ANKRD44: variants seen among roughly 807,000 people sequenced by gnomAD.
ANKRD44 encodes ankyrin repeat domain 44.
A neutral mutation model predicts 116.0 loss-of-function variants in ANKRD44; 35 were observed. The ratio of observed to expected loss-of-function variants is 0.30; its 90% CI spans 0.23 to 0.40. The LOEUF (loss-of-function observed/expected upper bound fraction) is 0.40. Ranked by LOEUF, ANKRD44 falls within the 10% of genes least tolerant of loss-of-function variation. The probability of loss-of-function intolerance (pLI) is 1.00; values close to 1 mark genes in which losing one functional copy is unlikely to be tolerated. For missense variants in ANKRD44, 1,014 were observed against 1,242.6 expected, an observed-to-expected ratio of 0.82 and a Z score of 2.77; for synonymous variants, 435 against 461.8, an observed-to-expected ratio of 0.94 and a Z score of 0.74.
intron 9 of ANKRD44, 89 bp downstream of exon 9, chr2:197,110,677 G>A (rs2078544103): frequency 9.6e-7 from 1 of 1,044,994 alleles, no homozygotes; most frequent in South Asian, 1.3e-5. Context: ...TCCAAAACAG[G>A]GCATCGACTT....
Position 197,086,742 on chromosome 2 carries a change from C to T in ANKRD44, c.1254G>A (p.Val418=). Reference sequence around the variant, plus strand: ...TGCTCTGCAAGAGTTTTATACATTCCACATTACTAGAAAGACAGGGAAAAC... The same window carrying T: ...TGCTCTGCAAGAGTTTTATACATTCTACATTACTAGAAAGACAGGGAAAAC... ...CLHAAAAGGN[V]ECIKLLQSSG... Residue 418 remains valine (V), a synonymous_variant, in exon 13 of 28, where the codon GTG becomes GTA. Transcript: ENST00000282272. 6.2e-7 allele frequency: 1 copy of T among 1,613,694 alleles called. No individual in the cohort carries two copies. The highest frequency in any genetic ancestry group is 1.1e-5 in the South Asian group (1 of 91,076).
intron 2 of ANKRD44, among the ~76,000 whole-genome samples, chr2:197,149,419 C>G (rs1004434176): frequency 6.6e-6 from 1 of 152,108 alleles, no homozygotes; most frequent in African/African-American, 2.4e-5. Flanking sequence ...TTGTTCAAAC[C>G]AAAGTTTCTA....
chr2:197,201,391 G>A lies in ANKRD44; in HGVS notation c.28-14285C>T, dbSNP rs1459879347. Among the ~76,000 whole-genome samples the A allele has an allele frequency of 1.4e-5, 2 of 147,982 alleles. No individual in the cohort carries two copies. The highest frequency in any genetic ancestry group is 2.7e-5 in the African/African-American group (1 of 37,352). On this transcript the variant is annotated intron_variant, in intron 1 of 27. Coordinates refer to ENST00000282272, the MANE Select transcript of ANKRD44 (RefSeq NM_001195144.2). This position sits in a 1 kb window ranked among gnomAD's most constrained non-coding sequence, Gnocchi z 4.0. ...TTATTTAGCAGAATTTTGAATGCCC[G>A]TTGCCTCCGTGGCACTAGGCAACCA...
intron 1 of ANKRD44, among the ~76,000 whole-genome samples, chr2:197,188,522 C>G (rs1329353712): frequency 6.6e-6 from 1 of 152,166 alleles, no homozygotes; most frequent in African/African-American, 2.4e-5. Context: ...CTCACACTTG[C>G]TAGCCACATG....
intron 4 of ANKRD44, among the ~76,000 whole-genome samples, chr2:197,127,285 T>G (rs983551027): frequency 1.3e-5 from 2 of 152,356 alleles, no homozygotes; most frequent in African/African-American, 4.8e-5. Context: ...TTATTTACAT[T>G]TTTAAATCCT....
chr2:196,973,984 A>G (rs893575960), intron 21 of ANKRD44, among the ~76,000 whole-genome samples: 9 of 152,216 alleles, frequency 5.9e-5, no homozygotes, highest in Non-Finnish European at 1.3e-4. Flanking sequence ...GAAATCATAC[A>G]AAGTATATTC....
rs745982640 is a variant in ANKRD44 at position 197,089,964 on chromosome 2, T to A, written c.1169A>T (p.Lys390Met). Residue 390 changes from lysine to methionine, a missense_variant, in exon 11 of 28, where the codon AAG becomes ATG. Physicochemically the swap from Lys to Met is moderately conservative, Grantham distance 95. Coordinates refer to ENST00000282272, the MANE Select transcript of ANKRD44 (RefSeq NM_001195144.2). ...GATTTACTTACCCGATGATAACAAC[T>A]TTCTGCAGCAGTCAGAGTGAGCATT... is the stretch of plus-strand genomic sequence containing the variant. ...ALNAHSDCCRKLLSSGFEIDT... is the reference protein window; with the variant it reads ...ALNAHSDCCRMLLSSGFEIDT... 2 of 1,613,966 alleles carry A rather than the reference T, an allele frequency of 1.2e-6. No individual in the cohort carries two copies. Among genetic ancestry groups the A allele is most frequent in the Non-Finnish European group, 1.7e-6 (2 of 1,179,900 alleles).
chr2:197,212,236 C>T lies in ANKRD44; in HGVS notation c.28-25130G>A, dbSNP rs1358523266. Among the ~76,000 whole-genome samples, 2 of 152,140 alleles carry T rather than the reference C, an allele frequency of 1.3e-5. No individual in the cohort carries two copies. Among genetic ancestry groups the T allele is most frequent in the Non-Finnish European group, 2.9e-5 (2 of 68,032 alleles). ...GGCAGATAGGGATCCAGTGGGAGCA[C>T]ACTGGCACCAAACACGAAAGTCATC... is the stretch of plus-strand genomic sequence containing the variant. On this transcript the variant is annotated intron_variant, in intron 1 of 27. Coordinates refer to ENST00000282272, the MANE Select transcript of ANKRD44 (RefSeq NM_001195144.2). The surrounding 1 kb of genome is among the most constrained non-coding windows in gnomAD (Gnocchi z 4.8).
chr2:197,181,540 G>A (rs2697235), intron 2 of ANKRD44, among the ~76,000 whole-genome samples: 145,664 of 152,300 alleles, frequency 0.96, 69,691 homozygotes, highest in East Asian at 1. Context: ...TTCAATTTAC[G>A]TGCACTTCAA....
At chr2:197,032,609 C>T (rs988039537) in intron 16 of ANKRD44, among the ~76,000 whole-genome samples, 3 of 152,096 alleles carry the variant, frequency 2.0e-5, no homozygotes, top group African/African-American at 2.4e-5. Context: ...AGGATAGTCT[C>T]GATCTCCTGA....
intron 1 of ANKRD44, among the ~76,000 whole-genome samples, chr2:197,220,686 G>T (rs1012398432): frequency 3.3e-5 from 5 of 152,138 alleles, no homozygotes; most frequent in African/African-American, 1.2e-4. Context: ...AAAGCATTTA[G>T]TTTGCCCACA....
chr2:197,257,808 A>T (rs1248763953), intron 1 of ANKRD44, among the ~76,000 whole-genome samples: 1 of 152,188 alleles, frequency 6.6e-6, no homozygotes, highest in African/African-American at 2.4e-5. Context: ...TCACATTATT[A>T]TACAACCATT....
chr2:197,194,309 C>T (rs1400546356), intron 1 of ANKRD44, among the ~76,000 whole-genome samples: 1 of 152,224 alleles, frequency 6.6e-6, no homozygotes, highest in East Asian at 1.9e-4. Context: ...TGAACTAATA[C>T]ATCATTTCTT....
intron 17 of ANKRD44, among the ~76,000 whole-genome samples, chr2:197,024,872 C>T (rs762932430): frequency 7.2e-5 from 11 of 152,126 alleles, no homozygotes; most frequent in Non-Finnish European, 1.3e-4. Context: ...TGAAATGTAT[C>T]CTTTGAATTT....
At chr2:197,221,176 G>A (rs1256291301) in intron 1 of ANKRD44, among the ~76,000 whole-genome samples, 2 of 151,980 alleles carry the variant, frequency 1.3e-5, no homozygotes, top group Non-Finnish European at 2.9e-5. Context: ...ACTGGAACCT[G>A]GGAGGTGGAG....
At chr2:196,972,179 C>T (rs2075720722) in intron 21 of ANKRD44, among the ~76,000 whole-genome samples, 1 of 152,062 alleles carries the variant, frequency 6.6e-6, no homozygotes, top group African/African-American at 2.4e-5. Context: ...CCAGTGCTAC[C>T]ATGGTCAGAG....
rs1424298011 is a variant in ANKRD44, at chr2:196,989,384, A to G, written c.*207T>C. The G allele has an allele frequency of 1.7e-6, 2 of 1,156,994 alleles. No individual in the cohort carries two copies. The highest frequency in any genetic ancestry group is 3.2e-5 in the African/African-American group (2 of 62,498). 71.7% of individuals were successfully genotyped at this position (1,156,994 alleles called of 1,614,324 possible). The stretch of plus-strand genomic sequence containing the variant: ...AAATACAACAAAGACTGGTACACAG[A>G]AAGATTACATTTAACTCCATAAAAA... On this transcript the variant is annotated 3_prime_UTR_variant, in exon 28 of 28. Coordinates refer to ENST00000282272, the MANE Select transcript of ANKRD44 (RefSeq NM_001195144.2).
chr2:197,073,793 G>C (rs2125106534), intron 16 of ANKRD44, among the ~76,000 whole-genome samples: 1 of 152,294 alleles, frequency 6.6e-6, no homozygotes, highest in Admixed American at 6.5e-5. Context: ...CTTTAGAAAT[G>C]GGGAAGGGGG....
At chr2:197,175,750 A>T (rs1475609404) in intron 2 of ANKRD44, among the ~76,000 whole-genome samples, 2 of 152,224 alleles carry the variant, frequency 1.3e-5, no homozygotes, top group East Asian at 3.8e-4. Flanking sequence ...GAAGTATTTT[A>T]AAAATATTTG....
Sources: allele counts gnomAD v4.1 joint callset (sites outside exome capture counted in the v4.1 genomes callset), GRCh38; gene constraint gnomAD v4.1.1; non-coding constraint Gnocchi (gnomAD v3.1); transcripts MANE v1.5; gene names NCBI Gene and HGNC (gene_info 2026-07-23, HGNC 2026-07-21).